Variants in DNAH12 observed in about 807,000 individuals in gnomAD.
DNAH12 encodes dynein axonemal heavy chain 12, also known as axonemal beta dynein heavy chain 12.
In DNAH12, 285 loss-of-function variants were observed where a neutral mutation model predicts 371.5. The observed-to-expected ratio is 0.77, with a 90% CI of 0.70 to 0.85. DNAH12 has a LOEUF of 0.85. DNAH12 is among the 40% of genes least tolerant of loss of function. The pLI, the probability that DNAH12 is intolerant of heterozygous loss-of-function variation, is 0.00. For missense variants in DNAH12, 3,611 were observed against 3,689.4 expected (o/e 0.98, Z 0.55); for synonymous variants, 1,200 against 1,213.0 (o/e 0.99, Z 0.22).
chr3:57,493,533 T>C (rs1490035370), intron 11 of DNAH12: 1 of 152,292 alleles, frequency 6.6e-6, no homozygotes, highest in East Asian at 1.9e-4. Flanking sequence ...ATCCCTGAAT[T>C]TGTGAAAGTA....
At chr3:57,325,119 T>C (rs1159341070) in intron 62 of DNAH12, among the ~76,000 whole-genome samples, 2 of 152,248 alleles carry the variant, frequency 1.3e-5, no homozygotes, top group African/African-American at 2.4e-5. Flanking sequence ...TGCCTGCCTC[T>C]GTAGGCTCCA....
At chr3:57,535,435 T>C (rs958662669) in intron 2 of DNAH12, among the ~76,000 whole-genome samples, 1 of 152,242 alleles carries the variant, frequency 6.6e-6, no homozygotes, top group Non-Finnish European at 1.5e-5. Context: ...CATCATGTTA[T>C]CACTCAGCAA....
chr3:57,509,322 G>T, intron 5 of DNAH12, 110 bp from the exon 6 acceptor site: 1 of 1,037,292 alleles, frequency 9.6e-7, no homozygotes, highest in Non-Finnish European at 1.4e-6. Flanking sequence ...GCATTAAAAG[G>T]AATGTAAGAA....
intron 40 of DNAH12, among the ~76,000 whole-genome samples, chr3:57,406,696 C>T (rs781864841): frequency 2.0e-5 from 3 of 152,120 alleles, no homozygotes; most frequent in South Asian, 4.1e-4. Flanking sequence ...TTACTACAAT[C>T]AACTTCAAAA....
At position 57,475,295 on chromosome 3, in the gene DNAH12, G is replaced by C. The variant is rs143999093; in HGVS notation, c.1651-2624C>G. On this transcript the variant is annotated intron_variant, in intron 13 of 73. Transcript: ENST00000495027. ...CTCCATTTAACTGCACTAAAATTAA[G>C]GCAACATGGCAAGGCCTTGTCTCCA... is the stretch of plus-strand genomic sequence containing the variant. Among the ~76,000 whole-genome samples, 6 of 152,072 alleles carry C rather than the reference G, an allele frequency of 3.9e-5. No homozygotes were observed. In the East Asian group the frequency reaches 9.7e-4, roughly 25 times the overall value.
chr3:57,528,105 C>T (rs539767120), intron 2 of DNAH12, among the ~76,000 whole-genome samples: 20 of 151,988 alleles, frequency 1.3e-4, no homozygotes, highest in East Asian at 2.0e-4. Flanking sequence ...CTCGGCTCAC[C>T]GCAACCTCCG....
At chr3:57,389,684 C>CT (rs2063569074) in intron 45 of DNAH12, among the ~76,000 whole-genome samples, 1 of 151,336 alleles carries the variant, frequency 6.6e-6, no homozygotes, top group South Asian at 2.1e-4. Flanking sequence ...CCCCAGCAGA[C>CT]TTTACCTCAA....
rs1193183444 is a variant in DNAH12, at chr3:57,379,795, C to T, written c.8082+483G>A. On this transcript the variant is annotated intron_variant, in intron 51 of 73. Coordinates refer to ENST00000495027, the MANE Select transcript of DNAH12 (RefSeq NM_001366028.2). The stretch of plus-strand genomic sequence containing the variant: ...GGTGGAGGTTGCAGTGAGCCAAGAT[C>T]CCGCCACTGCACTCCAGCCTGGGTG... Among the ~76,000 whole-genome samples, 3 of 143,852 alleles carry T rather than the reference C, an allele frequency of 2.1e-5. No homozygotes were observed. The East Asian group carries it at 6.1e-4, about 29-fold the overall frequency. 94.4% of individuals were successfully genotyped at this position (143,852 alleles called of 152,430 possible).
chr3:57,497,146 C>T (rs1376448826), intron 11 of DNAH12, among the ~76,000 whole-genome samples: 1 of 152,210 alleles, frequency 6.6e-6, no homozygotes, highest in Admixed American at 6.5e-5. Context: ...TTGAAAGCTT[C>T]TATTTCAAGA....
chr3:57,419,461 C>T lies in DNAH12; in HGVS notation c.5620G>A (p.Gly1874Arg). Residue 1874 changes from glycine to arginine, a missense_variant, in exon 37 of 74, where the codon GGA (glycine) becomes AGA (arginine). By Grantham distance (125) the Gly-to-Arg change is moderately radical. This residue lies in a region of DNAH12 where 2,266 missense variants were observed against 2,236.9 expected (regional missense o/e 1.01). Coordinates refer to ENST00000495027, the MANE Select transcript of DNAH12 (RefSeq NM_001366028.2). ...TCTTGAATCTTGATTTGTTTATCTCCTAAATTAGTATTTTTAATTAATTCA... is the reference window on the plus strand; with the variant it reads ...TCTTGAATCTTGATTTGTTTATCTCTTAAATTAGTATTTTTAATTAATTCA... ...WNELIKNTNL[G>R]DKQIKIQDII... is the part of the protein sequence containing the mutation. 5 of 1,495,702 alleles carry T rather than the reference C, an allele frequency of 3.3e-6. No homozygotes were observed. Among genetic ancestry groups the T allele is most frequent in the Non-Finnish European group, 4.4e-6 (5 of 1,124,678 alleles). 92.7% of individuals were successfully genotyped at this position (1,495,702 alleles called of 1,614,324 possible).
chr3:57,421,847 A>G (rs2064592058), intron 35 of DNAH12, 141 bp from the exon 36 acceptor site: 2 of 785,490 alleles, frequency 2.5e-6, no homozygotes, highest in Admixed American at 2.5e-5. Context: ...AGAATGGAGC[A>G]CTGCTAAGCC....
In DNAH12 at chr3:57,352,138, T is replaced by C. The variant is rs1324796425; in HGVS notation, c.9621A>G (p.Leu3207=). 3.9e-6 allele frequency: 6 copies of C among 1,542,096 alleles called. No homozygotes were observed. Among genetic ancestry groups the C allele is most frequent in the South Asian group, 2.5e-5 (2 of 80,346 alleles). ...AAAATAACAGCTTGTCCTTCTCAAA[T>C]AGTGATCGGCATATATTACAATATA... ...YNLYCNICRS[L]FEKDKLLFSF... The change falls in exon 60 of 74, where the codon CTA becomes CTG. Residue 3207 remains leucine, a synonymous_variant. Coordinates refer to ENST00000495027, the MANE Select transcript of DNAH12 (RefSeq NM_001366028.2).
At chr3:57,499,644 AAAAATATATATAT>A (rs1261062165) in intron 11 of DNAH12, among the ~76,000 whole-genome samples, 9 of 40,770 alleles carry the variant, frequency 2.2e-4, no homozygotes, top group Admixed American at 4.6e-4. Context: ...AAAAAAAAAA[AAAAATATATATAT>A]ATATATATAT....
At chr3:57,544,924 C>T (rs141512185), upstream of DNAH12, among the ~76,000 whole-genome samples, 658 of 151,130 alleles carry the variant, frequency 4.4e-3, 6 homozygotes, top group African/African-American at 0.015. Context: ...TGAATACTGC[C>T]GGTGTGTTAA....
chr3:57,392,690 C>T (rs2063650700), intron 44 of DNAH12, among the ~76,000 whole-genome samples: 3 of 151,926 alleles, frequency 2.0e-5, no homozygotes. Flanking sequence ...AGTTTTGCGA[C>T]AGTATATAGA....
In DNAH12 at chr3:57,445,463, G is replaced by A. The variant is rs1314340352; in HGVS notation, c.4180-44C>T. Reference sequence around the variant, plus strand: ...GAAATATATTACGTACATAAATGAAGCTGTTTTTAAGCTGAGCATAAGTAT... The same window carrying A: ...GAAATATATTACGTACATAAATGAAACTGTTTTTAAGCTGAGCATAAGTAT... On this transcript the variant is annotated intron_variant, in intron 27 of 73. Transcript: ENST00000495027. The A allele has an allele frequency of 1.9e-5, 27 of 1,410,496 alleles. 1 individual carries two copies. The South Asian group carries it at 4.6e-4, about 24-fold the overall frequency. The allele number at this position is 1,410,496 out of a possible 1,614,324, so 87.4% of individuals were successfully genotyped here.
At position 57,405,098 on chromosome 3, in the gene DNAH12, G is replaced by A. The variant is rs1436773805; in HGVS notation, c.6626C>T (p.Pro2209Leu). The change falls in exon 42 of 74, where the codon CCT becomes CTT. Residue 2209 changes from proline (P) to leucine (L), a missense_variant. Pro to Leu is a moderately conservative substitution (Grantham distance 98). Coordinates refer to ENST00000495027, the MANE Select transcript of DNAH12 (RefSeq NM_001366028.2). Reference protein sequence around the residue: ...RNLMFGDYMNPDLEGDDRVYI... With the variant: ...RNLMFGDYMNLDLEGDDRVYI... The stretch of plus-strand genomic sequence containing the variant: ...AACTCTATCATCTCCTTCAAGGTCA[G>A]GATTCATATAATCACCAAACATGAG... The A allele has an allele frequency of 1.3e-6, 2 of 1,541,726 alleles. No homozygotes were observed. Among genetic ancestry groups the A allele is most frequent in the Non-Finnish European group, 1.7e-6 (2 of 1,144,188 alleles).
chr3:57,347,275 T>G lies in DNAH12; in HGVS notation c.9674+4810A>C, dbSNP rs146361591. Among the ~76,000 whole-genome samples the G allele has an allele frequency of 6.6e-4, 100 of 152,334 alleles. 2 individuals carry two copies. The East Asian group carries it at 0.018, about 28-fold the overall frequency. ...AAATACAGCAAATCAAATCCAATTA[T>G]GTATAGAAAGAATTATACACCACGA... On this transcript the variant is annotated intron_variant, in intron 60 of 73. Transcript: ENST00000495027.
chr3:57,348,568 T>C lies in DNAH12; in HGVS notation c.9674+3517A>G, dbSNP rs114388134. 7.5e-3 allele frequency among the ~76,000 whole-genome samples: 1,135 copies of C among 152,300 alleles called. 7 individuals are homozygous for C. The highest frequency in any genetic ancestry group is 0.011 in the Non-Finnish European group (738 of 68,022). The stretch of plus-strand genomic sequence containing the variant: ...AATATATCACTCTGGTAAGGGGTTT[T>C]GTTAGTGCAGGAGGTTGTACATAAG... On this transcript the variant is annotated intron_variant, in intron 60 of 73. Coordinates refer to ENST00000495027, the MANE Select transcript of DNAH12 (RefSeq NM_001366028.2).
Sources: allele counts gnomAD v4.1 joint callset (sites outside exome capture counted in the v4.1 genomes callset), GRCh38; gene constraint gnomAD v4.1.1; regional missense constraint gnomAD v4.1.1; transcripts MANE v1.5; gene names NCBI Gene and HGNC (gene_info 2026-07-23, HGNC 2026-07-21).